The following ATL2 variants were observed in gnomAD, a reference collection of about 807,000 sequenced individuals.
The protein encoded by ATL2 is atlastin GTPase 2.
In ATL2, 31 loss-of-function variants were observed where a neutral mutation model predicts 73.9. The observed-to-expected ratio is 0.42, with a 90% CI of 0.32 to 0.57. The LOEUF is 0.57. Ranked by LOEUF, ATL2 falls within the 20% of genes least tolerant of loss-of-function variation. The probability of loss-of-function intolerance (pLI) is 0.14; values close to 1 mark genes in which losing one functional copy is unlikely to be tolerated. For missense variants in ATL2, 738 were observed against 702.6 expected, an observed-to-expected ratio of 1.05 and a Z score of -0.57; for synonymous variants, 291 against 237.5, an observed-to-expected ratio of 1.23 and a Z score of -2.07.
intron 2 of ATL2, among the ~76,000 whole-genome samples, chr2:38,320,659 A>G (rs555848591): frequency 1.3e-5 from 2 of 152,218 alleles, no homozygotes; most frequent in Non-Finnish European, 2.9e-5. Context: ...TAAAGCCCAC[A>G]TAGCCTTTAC....
intron 9 of ATL2, among the ~76,000 whole-genome samples, chr2:38,306,627 T>A (rs994502618): frequency 2.0e-5 from 3 of 152,222 alleles, no homozygotes; most frequent in Non-Finnish European, 4.4e-5. Context: ...TACATCGTTA[T>A]CACCAGAATG....
chr2:38,334,915 AAT>A (rs1450789828), intron 2 of ATL2, among the ~76,000 whole-genome samples: 1 of 138,802 alleles, frequency 7.2e-6, no homozygotes, highest in African/African-American at 2.7e-5. Context: ...ATAATATATA[AAT>A]ATATTTATAT....
At chr2:38,365,439 G>A (rs1407325256) in intron 1 of ATL2, among the ~76,000 whole-genome samples, 1 of 152,104 alleles carries the variant, frequency 6.6e-6, no homozygotes, top group Non-Finnish European at 1.5e-5. Flanking sequence ...CAGAACACCT[G>A]AGGTCAGGAG....
intron 9 of ATL2, among the ~76,000 whole-genome samples, chr2:38,300,777 A>C (rs979233678): frequency 6.6e-6 from 1 of 151,982 alleles, no homozygotes; most frequent in Non-Finnish European, 1.5e-5. Context: ...CAGTTTTCCA[A>C]GTGGCTGAAA....
intron 1 of ATL2, among the ~76,000 whole-genome samples, chr2:38,365,821 C>G (rs1671290891): frequency 2.0e-5 from 3 of 151,818 alleles, no homozygotes. Flanking sequence ...GTGGTGTGTA[C>G]CTAAAATCCC....
Position 38,300,344 on chromosome 2 carries a change from A to G in ATL2, c.1072-16T>C, listed in dbSNP as rs777247121. ...TGATGTAAGCCTAAAAAGGGAGAAG[A>G]TTTGTTAGACTGACGGATTATGCAA... On this transcript the variant is annotated splice_polypyrimidine_tract_variant and intron_variant, in intron 9 of 12. Transcript: ENST00000378954. 1 of 1,594,364 alleles carries G rather than the reference A, an allele frequency of 6.3e-7. No individual in the cohort carries two copies. Among genetic ancestry groups the G allele is most frequent in the East Asian group, 2.2e-5 (1 of 44,758 alleles).
chr2:38,360,606 G>C (rs1252336278), intron 1 of ATL2, among the ~76,000 whole-genome samples: 2 of 152,024 alleles, frequency 1.3e-5, no homozygotes, highest in Admixed American at 1.3e-4. Flanking sequence ...TAATCAACAA[G>C]ACAGAAATTC....
chr2:38,359,790 G>A (rs560126578), intron 1 of ATL2, among the ~76,000 whole-genome samples: 2 of 152,160 alleles, frequency 1.3e-5, no homozygotes, highest in South Asian at 4.1e-4. Context: ...ATATTACCCA[G>A]TTCTTAAAAG....
chr2:38,344,021 G>GAAAATGGAC (rs1669880047), intron 1 of ATL2, among the ~76,000 whole-genome samples: 2 of 152,052 alleles, frequency 1.3e-5, no homozygotes, highest in Admixed American at 6.5e-5. Flanking sequence ...TCTCAAGTAT[G>GAAAATGGAC]TCTTTATTAC....
At chr2:38,368,830 C>T (rs1671500511) in intron 1 of ATL2, among the ~76,000 whole-genome samples, 2 of 152,148 alleles carry the variant, frequency 1.3e-5, no homozygotes, top group African/African-American at 4.8e-5. Flanking sequence ...GTAACTAACG[C>T]CTGTAATCCC....
chr2:38,317,573 G>T (rs1326897884), intron 4 of ATL2, among the ~76,000 whole-genome samples: 1 of 152,014 alleles, frequency 6.6e-6, no homozygotes, highest in Non-Finnish European at 1.5e-5. Flanking sequence ...GCCTTGTCTG[G>T]GTTTCCTAAA....
intron 9 of ATL2, among the ~76,000 whole-genome samples, chr2:38,303,433 C>G (rs189804175): frequency 6.6e-6 from 1 of 151,950 alleles, no homozygotes; most frequent in Non-Finnish European, 1.5e-5. Context: ...CTCAAGTGAT[C>G]TGCCCACCTC....
At chr2:38,371,375 G>C (rs968783904) in intron 1 of ATL2, among the ~76,000 whole-genome samples, 3 of 151,988 alleles carry the variant, frequency 2.0e-5, no homozygotes, top group African/African-American at 7.2e-5. Flanking sequence ...AGGTGTGGTA[G>C]CACACTCCTG....
chr2:38,320,300 G>C (rs188392663), intron 2 of ATL2, among the ~76,000 whole-genome samples: 4 of 151,854 alleles, frequency 2.6e-5, no homozygotes, highest in Admixed American at 2.0e-4. Context: ...ACTGTGGTTA[G>C]GAAAAAAAAG....
intron 1 of ATL2, among the ~76,000 whole-genome samples, chr2:38,360,773 T>C (rs554034821): frequency 2.3e-4 from 35 of 152,198 alleles, no homozygotes; most frequent in Non-Finnish European, 4.7e-4. Flanking sequence ...TTTTGTTATG[T>C]GGACCAGATT....
intron 2 of ATL2, among the ~76,000 whole-genome samples, chr2:38,327,540 C>CAAAAAAAAAAAAAAAAAAAA (rs56332855): frequency 1.1e-5 from 1 of 89,962 alleles, no homozygotes; most frequent in Non-Finnish European, 2.4e-5. Context: ...AAAAAAAGTA[C>CAAAAAAAAAAAAAAAAAAAA]AAAAAAAAAA....
At chr2:38,371,192 T>C (rs1671668299) in intron 1 of ATL2, among the ~76,000 whole-genome samples, 1 of 151,058 alleles carries the variant, frequency 6.6e-6, no homozygotes, top group African/African-American at 2.4e-5. Context: ...GGTTTATCTC[T>C]TTAATTAAAA....
rs764272552 is a variant in ATL2 at position 38,297,703 on chromosome 2, G to A, written c.1632+441C>T. On this transcript the variant is annotated intron_variant, in intron 12 of 12. Transcript: ENST00000378954. ...GAAATCACTACCATCTTCATGGAAGGCAATGAAGACCTGTCTACCATCCAG... is the reference window on the plus strand; with the variant it reads ...GAAATCACTACCATCTTCATGGAAGACAATGAAGACCTGTCTACCATCCAG... 4.0e-4 allele frequency among the ~76,000 whole-genome samples: 61 copies of A among 152,178 alleles called. 1 individual carries two copies. Among genetic ancestry groups the A allele is most frequent in the Non-Finnish European group, 8.7e-4 (59 of 68,036 alleles).
chr2:38,363,641 T>C (rs540219987), intron 1 of ATL2, among the ~76,000 whole-genome samples: 1 of 152,304 alleles, frequency 6.6e-6, no homozygotes, highest in African/African-American at 2.4e-5. Context: ...TAACTCACTG[T>C]TTCCTATTCA....
Sources: gnomAD v4.1 joint callset for allele counts (sites outside exome capture counted in the v4.1 genomes callset) on GRCh38, gnomAD v4.1.1 for gene constraint, MANE v1.5 for transcripts, NCBI Gene and HGNC (gene_info 2026-07-23, HGNC 2026-07-21) for gene names.